MYH13: variants seen among roughly 807,000 people sequenced by gnomAD.
The protein encoded by MYH13 is myosin-13.
Under a neutral mutation model 232.1 loss-of-function variants are expected in MYH13, and 177 were observed. The observed-to-expected ratio is 0.76, with a 90% CI of 0.67 to 0.86. The LOEUF is 0.86. Ranked by LOEUF, MYH13 falls within the 40% of genes least tolerant of loss-of-function variation. The pLI is 0.00. For missense variants in MYH13, 2,246 were observed against 2,405.9 expected (o/e 0.93, Z 1.39); for synonymous variants, 884 against 923.5 (o/e 0.96, Z 0.78).
chr17:10,306,216 ATAGATGTGTGTGTG>A lies in MYH13; in HGVS notation c.5466+229_5466+242del, dbSNP rs1391019745. Among the ~76,000 whole-genome samples the A allele has an allele frequency of 8.1e-6, 1 of 123,110 alleles. No homozygotes were observed. The highest frequency in any genetic ancestry group is 2.8e-5 in the African/African-American group (1 of 35,408). 80.8% of individuals were successfully genotyped at this position (123,110 alleles called of 152,430 possible). A position where few individuals can be genotyped will look rare whatever the true frequency, so the allele number is the denominator to read the frequency against. ...TTTACTGAGGTGTGAGCATACCAAAATAGATGTGTGTGTGTGTGTGTGTGTGTGTGTGTGTGTGT... is the reference window on the plus strand; with the variant it reads ...TTTACTGAGGTGTGAGCATACCAAAATGTGTGTGTGTGTGTGTGTGTGTGT... On this transcript the variant is annotated intron_variant, in intron 37 of 40. Transcript: ENST00000252172. The surrounding 1 kb of genome is among the most constrained non-coding windows in gnomAD (Gnocchi z 4.3).
intron 2 of MYH13, among the ~76,000 whole-genome samples, chr17:10,365,727 A>G (rs2071828906): frequency 6.6e-6 from 1 of 152,140 alleles, no homozygotes. Flanking sequence ...GGAGATGGGG[A>G]AGTACTGGGC....
At chr17:10,316,409 C>T (rs1057250350) in intron 27 of MYH13, among the ~76,000 whole-genome samples, 12 of 151,888 alleles carry the variant, frequency 7.9e-5, no homozygotes, top group Non-Finnish European at 1.2e-4. Flanking sequence ...TGCAGTGAGC[C>T]GAGATCATGC....
chr17:10,342,462 C>T (rs1035632897), intron 16 of MYH13, among the ~76,000 whole-genome samples: 4 of 151,994 alleles, frequency 2.6e-5, no homozygotes, highest in Non-Finnish European at 4.4e-5. Flanking sequence ...ATATATATAC[C>T]GTGTATACCC....
chr17:10,330,545 C>G (rs1907376736), intron 20 of MYH13, 22 bp from the exon 21 acceptor site: 2 of 1,591,390 alleles, frequency 1.3e-6, no homozygotes, highest in South Asian at 2.3e-5. Context: ...GACAGAGGAG[C>G]CTTGATCTTT....
intron 23 of MYH13, 137 bp from the exon 24 acceptor site, chr17:10,321,845 G>T (rs900442520): frequency 4.3e-6 from 3 of 700,420 alleles, no homozygotes; most frequent in Non-Finnish European, 7.0e-6. Context: ...TCCTAGAATT[G>T]ACAGACTCTC....
intron 7 of MYH13, 31 bp downstream of exon 7, chr17:10,359,928 GT>G: frequency 1.3e-6 from 2 of 1,568,884 alleles, no homozygotes; most frequent in Non-Finnish European, 1.8e-6. Context: ...ACTTATTCCA[GT>G]AAGCCTCCGG....
chr17:10,372,290 T>C (rs2071882923), intron 1 of MYH13, among the ~76,000 whole-genome samples: 1 of 152,230 alleles, frequency 6.6e-6, no homozygotes, highest in South Asian at 2.1e-4. Flanking sequence ...TCTGTTTCCT[T>C]CCGTAAAATG....
chr17:10,309,480 C>A (rs1906422571), intron 34 of MYH13, 42 bp downstream of exon 34: 11 of 1,600,766 alleles, frequency 6.9e-6, no homozygotes, highest in Non-Finnish European at 9.4e-6. Flanking sequence ...GCCTGGCAGG[C>A]TGGGGCCCGT....
chr17:10,350,675 C>T lies in MYH13; in HGVS notation c.1025G>A (p.Gly342Asp), dbSNP rs909445386. 2 of 1,613,696 alleles carry T rather than the reference C, an allele frequency of 1.2e-6. No individual in the cohort carries two copies. Among genetic ancestry groups the T allele is most frequent in the African/African-American group, 1.3e-5 (1 of 74,894 alleles). Residue 342 changes from glycine (G) to aspartate (D), a missense_variant, in exon 12 of 41, where the codon GGC becomes GAC. Transcript: ENST00000252172. ...LATDNAIDIL[G>D]FSSEEKVGIY... ...CCCGACTTTCTCCTCTGAGCTGAAG[C>T]CCAGGATGTCAATGGCATTCTGGAA... is the stretch of plus-strand genomic sequence containing the variant.
chr17:10,345,991 C>CAAAAAAAAAAAAAAAA (rs1211414796), intron 13 of MYH13, among the ~76,000 whole-genome samples: 26 of 83,024 alleles, frequency 3.1e-4, no homozygotes, highest in Non-Finnish European at 3.8e-4. Context: ...GACTCTGTCT[C>CAAAAAAAAAAAAAAAA]AAAAAAAAAA....
chr17:10,322,330 A>G lies in MYH13; in HGVS notation c.2935-622T>C, dbSNP rs368308224. ...GGAGAATCGCTTGAAAACAGGAGGC[A>G]GAGGTTGCAGTGAGCTGAGATTGCA... On this transcript the variant is annotated intron_variant, in intron 23 of 40. Coordinates refer to ENST00000252172, the MANE Select transcript of MYH13 (RefSeq NM_003802.3). 1.7e-3 allele frequency among the ~76,000 whole-genome samples: 252 copies of G among 152,270 alleles called. 3 individuals carry two copies. In the South Asian group the frequency reaches 0.038, roughly 23 times the overall value.
In MYH13 at chr17:10,326,981, GTTTTTTTTTTTT is replaced by G. The variant is rs61543278; in HGVS notation, c.2691+873_2691+884del. 2.7e-4 allele frequency among the ~76,000 whole-genome samples: 15 copies of G among 55,810 alleles called. 4 individuals carry two copies. Among genetic ancestry groups the G allele is most frequent in the African/African-American group, 4.7e-4 (6 of 12,822 alleles). The allele number at this position is 55,810 out of a possible 152,430, so 36.6% of individuals were successfully genotyped here. Reference sequence around the variant, plus strand: ...GAGACATGCACCACCATGCCTACTAGTTTTTTTTTTTTTTTTTTTTTTTTTTTTTTTTTTTTT... The same window carrying G: ...GAGACATGCACCACCATGCCTACTAGTTTTTTTTTTTTTTTTTTTTTTTTT... On this transcript the variant is annotated intron_variant, in intron 22 of 40. Transcript: ENST00000252172.
intron 27 of MYH13, among the ~76,000 whole-genome samples, chr17:10,316,305 A>G (rs750445149): frequency 6.6e-5 from 10 of 152,150 alleles, no homozygotes; most frequent in Non-Finnish European, 1.5e-4. Flanking sequence ...TACTAAAAAT[A>G]CAGAAATTAG....
Position 10,306,501 on chromosome 17 carries a change from C to T in MYH13, c.5424G>A (p.Ala1808=), listed in dbSNP as rs999627441. The T allele has an allele frequency of 5.6e-6, 9 of 1,614,108 alleles. No individual in the cohort carries two copies. The highest frequency in any genetic ancestry group is 1.7e-4 in the Middle Eastern group (1 of 6,060). The change falls in exon 37 of 41, where the codon GCG becomes GCA. Residue 1808 remains alanine, a synonymous_variant. Transcript: ENST00000252172. The surrounding 1 kb of genome is among the most constrained non-coding windows in gnomAD (Gnocchi z 4.3). ...GGATCTGCTTCTTCCCGCCCTTCAG[C>T]GCCAGTTGTTCAGCCTCATCTAGAC... ...QHRLDEAEQL[A]LKGGKKQIQK... is the part of the protein sequence containing the mutation.
chr17:10,315,982 C>T lies in MYH13; in HGVS notation c.3782G>A (p.Ser1261Asn), dbSNP rs759803356. 137 of 1,613,916 alleles carry T rather than the reference C, an allele frequency of 8.5e-5. No homozygotes were observed. The Admixed American group carries it at 2.2e-3, about 26-fold the overall frequency. Residue 1261 changes from serine to asparagine, a missense_variant, in exon 28 of 41, where the codon AGT becomes AAT. Transcript: ENST00000252172. ...TTGCTCGTCCTTGGCTTTGATTTCACTAAATTGATCTTCTACCGTCCGGCA... is the reference window on the plus strand; with the variant it reads ...TTGCTCGTCCTTGGCTTTGATTTCATTAAATTGATCTTCTACCGTCCGGCA... ...RTCRTVEDQF[S>N]EIKAKDEQQT...
At chr17:10,364,797 T>C (rs1030296787) in intron 2 of MYH13, among the ~76,000 whole-genome samples, 2 of 152,116 alleles carry the variant, frequency 1.3e-5, no homozygotes, top group African/African-American at 4.8e-5. Flanking sequence ...GGGAATATTT[T>C]AGTTCAGTCC....
intron 26 of MYH13, 53 bp downstream of exon 26, chr17:10,320,100 G>A: frequency 7.3e-7 from 1 of 1,368,868 alleles, no homozygotes; most frequent in Non-Finnish European, 1.0e-6. Context: ...GGAGTGAGGA[G>A]GGGCGCTCTT....
intron 2 of MYH13, among the ~76,000 whole-genome samples, chr17:10,365,155 G>A (rs2071824645): frequency 6.6e-6 from 1 of 152,144 alleles, no homozygotes; most frequent in South Asian, 2.1e-4. Flanking sequence ...GATTACAGGC[G>A]TGAGCCACCG....
chr17:10,316,056 G>A (rs1212012231), intron 27 of MYH13, 31 bp from the exon 28 acceptor site: 8 of 1,612,530 alleles, frequency 5.0e-6, no homozygotes, highest in Admixed American at 3.3e-5. Flanking sequence ...ACACGAATGG[G>A]AAGAAATGGA....
Sources: allele counts gnomAD v4.1 joint callset (sites outside exome capture counted in the v4.1 genomes callset), GRCh38; gene constraint gnomAD v4.1.1; non-coding constraint Gnocchi (gnomAD v3.1); transcripts MANE v1.5; gene names NCBI Gene and HGNC (gene_info 2026-07-23, HGNC 2026-07-21).